The following SH3RF3 variants were observed in gnomAD, a reference collection of about 807,000 sequenced individuals.
SH3RF3 encodes E3 ubiquitin-protein ligase SH3RF3.
Under a neutral mutation model 66.3 loss-of-function variants are expected in SH3RF3, and 29 were observed. That is an observed-to-expected ratio of 0.44 (90% confidence interval 0.33 to 0.60). The LOEUF is 0.60. SH3RF3 is among the 20% of genes least tolerant of loss of function. SH3RF3 has a pLI of 0.04. For missense variants in SH3RF3, 1,194 were observed against 1,190.9 expected, an observed-to-expected ratio of 1.00 and a Z score of -0.04; for synonymous variants, 583 against 532.0, an observed-to-expected ratio of 1.10 and a Z score of -1.32.
At chr2:109,497,892 G>A (rs984345782) in intron 9 of SH3RF3, among the ~76,000 whole-genome samples, 4 of 152,246 alleles carry the variant, frequency 2.6e-5, no homozygotes, top group African/African-American at 4.8e-5. Context: ...AAATCATCTC[G>A]CCCTTTGCCT....
chr2:109,479,241 A>G (rs1678769738), intron 8 of SH3RF3, among the ~76,000 whole-genome samples: 1 of 152,134 alleles, frequency 6.6e-6, no homozygotes, highest in Non-Finnish European at 1.5e-5. Flanking sequence ...GGAGGATGTC[A>G]CAAGAGGTCT....
At chr2:109,220,571 C>G (rs1679207248) in intron 1 of SH3RF3, among the ~76,000 whole-genome samples, 1 of 152,096 alleles carries the variant, frequency 6.6e-6, no homozygotes. Context: ...ACTTCTATAA[C>G]TCAATAATTT....
chr2:109,130,510 G>A (rs538210312), intron 1 of SH3RF3, among the ~76,000 whole-genome samples: 3 of 152,160 alleles, frequency 2.0e-5, no homozygotes, highest in South Asian at 2.1e-4. Context: ...AGCCCTTAAC[G>A]TTTCTGACAG....
intron 3 of SH3RF3, among the ~76,000 whole-genome samples, chr2:109,381,499 C>T (rs1019778579): frequency 2.0e-5 from 3 of 152,132 alleles, no homozygotes; most frequent in East Asian, 3.9e-4. Flanking sequence ...GGGCCATCCA[C>T]GTCCACCTGC....
At chr2:109,434,211 C>T (rs953208594) in intron 6 of SH3RF3, among the ~76,000 whole-genome samples, 14 of 152,228 alleles carry the variant, frequency 9.2e-5, no homozygotes, top group Admixed American at 1.3e-4. Context: ...CCTGAGATGG[C>T]GGGTGTCCAC....
chr2:109,389,363 C>G (rs1185455468), intron 3 of SH3RF3, among the ~76,000 whole-genome samples: 1 of 152,240 alleles, frequency 6.6e-6, no homozygotes, highest in Non-Finnish European at 1.5e-5. Context: ...TGGGTGCCGA[C>G]AGCTTTCTGT....
chr2:109,401,859 TC>T (rs1197204582), intron 4 of SH3RF3, among the ~76,000 whole-genome samples: 2 of 152,232 alleles, frequency 1.3e-5, no homozygotes, highest in Non-Finnish European at 2.9e-5. Context: ...AACAGATGTT[TC>T]TATTAATTTG....
At chr2:109,246,846 G>C (rs13392983) in intron 1 of SH3RF3, among the ~76,000 whole-genome samples, 1 of 152,138 alleles carries the variant, frequency 6.6e-6, no homozygotes, top group Non-Finnish European at 1.5e-5. Flanking sequence ...TTGTGACAGC[G>C]ATGCTGGGGG....
In SH3RF3 at chr2:109,371,783, G is replaced by C. The variant is rs1334875757; in HGVS notation, c.945+102G>C. Reference sequence around the variant, plus strand: ...TCAAGCCCCTTTTCTAAGAGAGAAAGAGGATCCTCCACAATAGCCTCTGGC... The same window carrying C: ...TCAAGCCCCTTTTCTAAGAGAGAAACAGGATCCTCCACAATAGCCTCTGGC... On this transcript the variant is annotated intron_variant, in intron 3 of 9. Coordinates refer to ENST00000309415, the MANE Select transcript of SH3RF3 (RefSeq NM_001099289.3). 6.2e-6 allele frequency: 6 copies of C among 970,284 alleles called. No individual in the cohort carries two copies. The Admixed American group carries it at 8.3e-5, about 13-fold the overall frequency. The allele number at this position is 970,284 out of a possible 1,614,324, so 60.1% of individuals were successfully genotyped here. A position where few individuals can be genotyped will look rare whatever the true frequency, so the allele number is the denominator to read the frequency against.
chr2:109,474,091 A>T (rs1678607991), intron 8 of SH3RF3, among the ~76,000 whole-genome samples: 1 of 152,048 alleles, frequency 6.6e-6, no homozygotes, highest in Non-Finnish European at 1.5e-5. Context: ...CATTTGATGC[A>T]CAGTCTGGGC....
rs199571641 is a variant in SH3RF3 at position 109,501,563 on chromosome 2, C to T, written c.2541C>T (p.Gly847=). The T allele has an allele frequency of 2.7e-4, 213 of 779,556 alleles. 1 individual carries two copies. Among genetic ancestry groups the T allele is most frequent in the Admixed American group, 5.1e-4 (30 of 58,890 alleles). 48.3% of individuals were successfully genotyped at this position (779,556 alleles called of 1,614,324 possible). The change falls in exon 10 of 10, where the codon GGC becomes GGT. Residue 847 remains glycine (G), a synonymous_variant. Transcript: ENST00000309415. Reference sequence around the variant, plus strand: ...AGGCGGAGATCGAGCTGAAGGAAGGCGACATCGTCTTTGTGCACAAGAAGC... The same window carrying T: ...AGGCGGAGATCGAGCTGAAGGAAGGTGACATCGTCTTTGTGCACAAGAAGC... ...QSEAEIELKE[G]DIVFVHKKRE... is the part of the protein sequence containing the mutation.
chr2:109,229,826 CTTT>C (rs35149686), intron 1 of SH3RF3, among the ~76,000 whole-genome samples: 6,452 of 129,998 alleles, frequency 0.05, 414 homozygotes, highest in African/African-American at 0.17. Flanking sequence ...CTTTTTCTTT[CTTT>C]TTTTTTTTTT....
intron 1 of SH3RF3, among the ~76,000 whole-genome samples, chr2:109,304,736 A>G (rs1039330081): frequency 2.6e-5 from 4 of 152,228 alleles, no homozygotes; most frequent in Admixed American, 6.5e-5. Context: ...TATAGGAGCT[A>G]ATCTAGGGAG....
At chr2:109,286,369 T>C (rs1681030576) in intron 1 of SH3RF3, among the ~76,000 whole-genome samples, 1 of 152,154 alleles carries the variant, frequency 6.6e-6, no homozygotes. Flanking sequence ...CAGGGGGCCC[T>C]TGGTTGCAAT....
chr2:109,317,052 C>G (rs1018296164), intron 1 of SH3RF3, among the ~76,000 whole-genome samples: 5 of 152,138 alleles, frequency 3.3e-5, no homozygotes, highest in African/African-American at 1.2e-4. Context: ...CACTCACCTC[C>G]TGAGGCTATC....
At chr2:109,248,220 G>A (rs1679967513) in intron 1 of SH3RF3, among the ~76,000 whole-genome samples, 1 of 152,154 alleles carries the variant, frequency 6.6e-6, no homozygotes, top group Non-Finnish European at 1.5e-5. Context: ...TGATTCAGAT[G>A]AATAGGAGTT....
At chr2:109,347,643 C>T (rs770152516) in intron 1 of SH3RF3, 31 bp from the exon 2 acceptor site, 1 of 1,605,206 alleles carries the variant, frequency 6.2e-7, no homozygotes, top group African/African-American at 1.3e-5. Context: ...AGGGGCATGC[C>T]CGGTGACCAC....
intron 5 of SH3RF3, among the ~76,000 whole-genome samples, chr2:109,431,379 G>C (rs1355005820): frequency 1.3e-5 from 2 of 152,192 alleles, no homozygotes; most frequent in South Asian, 4.1e-4. Flanking sequence ...AATCTGGTAT[G>C]TTCTCTCCCT....
At chr2:109,467,316 C>T (rs1678380008) in intron 8 of SH3RF3, among the ~76,000 whole-genome samples, 1 of 152,264 alleles carries the variant, frequency 6.6e-6, no homozygotes, top group African/African-American at 2.4e-5. Context: ...AAAAAGAAAC[C>T]AGCTGCTGAT....
Sources: allele counts gnomAD v4.1 joint callset (sites outside exome capture counted in the v4.1 genomes callset), GRCh38; gene constraint gnomAD v4.1.1; transcripts MANE v1.5; gene names NCBI Gene and HGNC (gene_info 2026-07-23, HGNC 2026-07-21).